The following SGCZ variants were observed in gnomAD, a reference collection of about 807,000 sequenced individuals.
SGCZ encodes sarcoglycan zeta.
In SGCZ, 40 loss-of-function variants were observed where a neutral mutation model predicts 41.3. The ratio of observed to expected loss-of-function variants is 0.97; its 90% CI spans 0.75 to 1.26. SGCZ has a LOEUF of 1.26. Ranked by LOEUF, SGCZ falls within the 50% of genes most tolerant of loss-of-function variation. The pLI is 0.00. For synonymous variants in SGCZ, 206 were observed against 137.5 expected, an observed-to-expected ratio of 1.50 and a Z score of -3.49; for missense variants, 552 against 369.8, an observed-to-expected ratio of 1.49 and a Z score of -4.04.
Position 14,824,528 on chromosome 8 carries a change from A to G in SGCZ, c.40-269602T>C, listed in dbSNP as rs552665027. Among the ~76,000 whole-genome samples the G allele has an allele frequency of 2.7e-4, 41 of 152,118 alleles. 1 individual carries two copies. The South Asian group carries it at 6.4e-3, about 24-fold the overall frequency. On this transcript the variant is annotated intron_variant, in intron 1 of 7. Coordinates refer to ENST00000382080, the MANE Select transcript of SGCZ (RefSeq NM_139167.4). Reference sequence around the variant, plus strand: ...ATCCAGGATGTACTCTTGATATGACATCCTATGTTTCTCATGCCCTGGCTT... The same window carrying G: ...ATCCAGGATGTACTCTTGATATGACGTCCTATGTTTCTCATGCCCTGGCTT...
intron 1 of SGCZ, among the ~76,000 whole-genome samples, chr8:15,044,251 G>T (rs985346591): frequency 2.6e-5 from 4 of 152,072 alleles, no homozygotes; most frequent in African/African-American, 9.7e-5. Context: ...ATGTCCATTT[G>T]ACAAGGGGGC....
At chr8:14,101,100 G>GCAT (rs1321819785) in intron 7 of SGCZ, among the ~76,000 whole-genome samples, 1 of 151,998 alleles carries the variant, frequency 6.6e-6, no homozygotes, top group Non-Finnish European at 1.5e-5. Flanking sequence ...TGGCATGAAA[G>GCAT]CATCTGCCAA....
Position 14,559,117 on chromosome 8 carries a change from A to C in SGCZ, c.40-4191T>G, listed in dbSNP as rs138173306. On this transcript the variant is annotated intron_variant, in intron 1 of 7. Transcript: ENST00000382080. ...CCACTCCTCTTCAACATAGTACTAG[A>C]AGTCCTAGTCAGAGCAATCAGACAA... is the stretch of plus-strand genomic sequence containing the variant. Among the ~76,000 whole-genome samples the C allele has an allele frequency of 4.1e-3, 622 of 152,250 alleles. 3 individuals are homozygous for C. The highest frequency in any genetic ancestry group is 0.014 in the African/African-American group (579 of 41,560).
chr8:14,457,940 G>A (rs953342979), intron 2 of SGCZ, among the ~76,000 whole-genome samples: 3 of 152,096 alleles, frequency 2.0e-5, no homozygotes, highest in Non-Finnish European at 4.4e-5. Flanking sequence ...TCTTTGTCTT[G>A]TGTCTTTATT....
At chr8:14,123,231 T>C (rs563266041) in intron 5 of SGCZ, among the ~76,000 whole-genome samples, 1 of 152,348 alleles carries the variant, frequency 6.6e-6, no homozygotes, top group African/African-American at 2.4e-5. Context: ...TGAAAGTTTG[T>C]TTTGATTCAC....
At chr8:14,964,290 A>G (rs2130855739) in intron 1 of SGCZ, among the ~76,000 whole-genome samples, 1 of 152,302 alleles carries the variant, frequency 6.6e-6, no homozygotes, top group East Asian at 1.9e-4. Flanking sequence ...CTGTCATATC[A>G]CAAGACATGT....
intron 3 of SGCZ, among the ~76,000 whole-genome samples, chr8:14,278,508 G>C (rs1424392276): frequency 6.6e-6 from 1 of 151,986 alleles, no homozygotes; most frequent in South Asian, 2.1e-4. Context: ...TGAGTTTTTA[G>C]GATTATCCTG....
chr8:14,779,832 G>A (rs1462088519), intron 1 of SGCZ, among the ~76,000 whole-genome samples: 1 of 152,098 alleles, frequency 6.6e-6, no homozygotes, highest in Non-Finnish European at 1.5e-5. Context: ...ATGTTTATAG[G>A]TGATCATTTG....
chr8:14,537,290 T>C (rs1803325245), intron 2 of SGCZ, among the ~76,000 whole-genome samples: 1 of 151,684 alleles, frequency 6.6e-6, no homozygotes, highest in Admixed American at 6.6e-5. Context: ...AAGACCAGGG[T>C]GGGGGGTCGT....
At chr8:14,983,721 G>C (rs769614712) in intron 1 of SGCZ, among the ~76,000 whole-genome samples, 16 of 152,244 alleles carry the variant, frequency 1.1e-4, no homozygotes, top group Non-Finnish European at 2.2e-4. Flanking sequence ...TGATGAAGTT[G>C]AGGCTAAGGA....
At chr8:14,214,823 C>T (rs576927227) in intron 4 of SGCZ, among the ~76,000 whole-genome samples, 54 of 152,136 alleles carry the variant, frequency 3.5e-4, no homozygotes, top group African/African-American at 1.2e-3. Flanking sequence ...ACATAGAAAT[C>T]ATAAGCAGGT....
intron 2 of SGCZ, among the ~76,000 whole-genome samples, chr8:14,403,740 C>G (rs1799139133): frequency 6.6e-6 from 1 of 152,000 alleles, no homozygotes; most frequent in Non-Finnish European, 1.5e-5. Context: ...TTTTTTCTTC[C>G]ATAGGTCTGT....
At chr8:14,525,804 A>G (rs1802930289) in intron 2 of SGCZ, among the ~76,000 whole-genome samples, 1 of 152,158 alleles carries the variant, frequency 6.6e-6, no homozygotes, top group Non-Finnish European at 1.5e-5. Flanking sequence ...AGCTAGCCAG[A>G]CAGGCACAGG....
intron 1 of SGCZ, among the ~76,000 whole-genome samples, chr8:15,180,534 T>G (rs572989803): frequency 6.3e-4 from 96 of 151,700 alleles, no homozygotes; most frequent in Non-Finnish European, 1.1e-3. Flanking sequence ...CTCATTCTAA[T>G]CTACATATGA....
intron 1 of SGCZ, among the ~76,000 whole-genome samples, chr8:14,877,485 A>G (rs1011287900): frequency 1.3e-5 from 2 of 152,156 alleles, no homozygotes; most frequent in Non-Finnish European, 2.9e-5. Context: ...CTTTAATTTT[A>G]TTTCCAGGCA....
chr8:14,370,765 A>G (rs1203415420), intron 2 of SGCZ, among the ~76,000 whole-genome samples: 1 of 151,964 alleles, frequency 6.6e-6, no homozygotes, highest in Non-Finnish European at 1.5e-5. Context: ...GTTAGCATAT[A>G]TTATCCACTG....
chr8:14,275,101 C>G (rs1037185576), intron 3 of SGCZ, among the ~76,000 whole-genome samples: 2 of 152,152 alleles, frequency 1.3e-5, no homozygotes, highest in African/African-American at 4.8e-5. Context: ...ACACAAGGTG[C>G]TGAAAACATG....
intron 4 of SGCZ, among the ~76,000 whole-genome samples, chr8:14,206,277 T>TA (rs1342751715): frequency 1.3e-5 from 2 of 152,136 alleles, no homozygotes; most frequent in African/African-American, 4.8e-5. Context: ...ACTCAGAAAT[T>TA]ACAAGCCTTA....
At chr8:15,069,587 C>T (rs1384482140) in intron 1 of SGCZ, among the ~76,000 whole-genome samples, 3 of 152,138 alleles carry the variant, frequency 2.0e-5, no homozygotes, top group Admixed American at 2.0e-4. Flanking sequence ...TCTGAATTCC[C>T]CACTTTTAAT....
Sources: allele counts gnomAD v4.1 joint callset (sites outside exome capture counted in the v4.1 genomes callset), GRCh38; gene constraint gnomAD v4.1.1; transcripts MANE v1.5; gene names NCBI Gene and HGNC (gene_info 2026-07-23, HGNC 2026-07-21).